The following ADGRB1 variants were observed in gnomAD, a reference collection of about 807,000 sequenced individuals.
ADGRB1 encodes the protein adhesion G protein-coupled receptor B1.
Under a neutral mutation model 175.7 loss-of-function variants are expected in ADGRB1, and 36 were observed. The observed-to-expected ratio is 0.20, with a 90% CI of 0.16 to 0.27. The LOEUF (loss-of-function observed/expected upper bound fraction) is 0.27. Ranked by LOEUF, ADGRB1 falls within the 10% of genes least tolerant of loss-of-function variation. The pLI is 1.00. For synonymous variants in ADGRB1, 1,054 were observed against 979.4 expected, an observed-to-expected ratio of 1.08 and a Z score of -1.42; for missense variants, 1,731 against 2,255.3, an observed-to-expected ratio of 0.77 and a Z score of 4.71.
chr8:142,476,835 C>T, intron 4 of ADGRB1, 140 bp downstream of exon 4: 1 of 1,008,538 alleles, frequency 9.9e-7, no homozygotes, highest in Non-Finnish European at 1.4e-6. Flanking sequence ...CTCTTGTCTC[C>T]TGACTGCCTG....
At chr8:142,524,383 A>G (rs1383086396) in intron 23 of ADGRB1, 79 bp downstream of exon 23, 2 of 1,419,730 alleles carry the variant, frequency 1.4e-6, no homozygotes, top group Admixed American at 4.0e-5. Context: ...GTGCTGTCTC[A>G]TGCCCCAGGC....
chr8:142,518,233 C>T lies in ADGRB1; in HGVS notation c.2913C>T (p.Ser971=), dbSNP rs75573695. 14,534 of 1,613,598 alleles carry T rather than the reference C, an allele frequency of 9.0e-3. 505 individuals carry two copies. In the African/African-American group the frequency reaches 0.095, roughly 11 times the overall value. The change falls in exon 19 of 31, where the codon TCC becomes TCT. Residue 971 remains serine (S), a synonymous_variant. Transcript: ENST00000517894. ...TCATGCTGGTCATCATCTACGTGTCCGTGTGGAGGTGGGTGCCGCCCAGGT... is the reference window on the plus strand; with the variant it reads ...TCATGCTGGTCATCATCTACGTGTCTGTGTGGAGGTGGGTGCCGCCCAGGT... ...TLLMLVIIYV[S]VWRYIRSERS...
chr8:142,533,533 C>T, intron 25 of ADGRB1, 67 bp downstream of exon 25: 2 of 1,492,620 alleles, frequency 1.3e-6, no homozygotes, highest in Admixed American at 2.0e-5. Flanking sequence ...TGGCCTCCTC[C>T]TTCCCCGAGG....
Position 142,518,174 on chromosome 8 carries a change from A to T in ADGRB1, c.2854A>T (p.Ile952Phe). The T allele has an allele frequency of 6.2e-7, 1 of 1,613,790 alleles. No individual in the cohort carries two copies. The highest frequency in any genetic ancestry group is 8.5e-7 in the Non-Finnish European group (1 of 1,179,796). Residue 952 changes from isoleucine (I) to phenylalanine (F), a missense_variant, in exon 19 of 31, where the codon ATC (isoleucine) becomes TTC (phenylalanine). Around this residue, in one of 8 missense-constraint regions of ADGRB1, gnomAD observed 301 missense variants for 488.4 expected, o/e 0.62. Transcript: ENST00000517894. The stretch of plus-strand genomic sequence containing the variant: ...GGCGACTCTGCCGTCGGTGACGCTC[A>T]TCGTGGGCTGTGGCGTGTCCTCTCT... ...EKATLPSVTLIVGCGVSSLTL... is the reference protein window; with the variant it reads ...EKATLPSVTLFVGCGVSSLTL...
At chr8:142,490,853 G>C in intron 17 of ADGRB1, 38 bp downstream of exon 17, 1 of 1,558,518 alleles carries the variant, frequency 6.4e-7, no homozygotes, top group Non-Finnish European at 8.7e-7. Context: ...GGGGGTCTGG[G>C]GTGGGGTTCG....
At chr8:142,481,112 T>C in intron 9 of ADGRB1, 142 bp from the exon 10 acceptor site, 1 of 708,410 alleles carries the variant, frequency 1.4e-6, no homozygotes, top group South Asian at 1.7e-5. Flanking sequence ...GCGTGGACTC[T>C]GCTCTCGGCG....
At chr8:142,523,766 C>T (rs1844007511) in intron 22 of ADGRB1, among the ~76,000 whole-genome samples, 1 of 92,198 alleles carries the variant, frequency 1.1e-5, no homozygotes, top group Non-Finnish European at 2.1e-5. Context: ...GAATGTGGGG[C>T]TGCTTACTGG....
chr8:142,476,805 C>G, intron 4 of ADGRB1, 110 bp downstream of exon 4: 1 of 1,157,594 alleles, frequency 8.6e-7, no homozygotes, highest in Non-Finnish European at 1.2e-6. Context: ...CATAACTAGA[C>G]TAAACCCTTA....
chr8:142,456,869 GCCT>G (rs1349507189), intron 1 of ADGRB1, among the ~76,000 whole-genome samples: 1 of 152,266 alleles, frequency 6.6e-6, no homozygotes, highest in Non-Finnish European at 1.5e-5. Context: ...GCTGAGTGCA[GCCT>G]CCTCCTCAGG....
At chr8:142,476,774 G>T in intron 4 of ADGRB1, 79 bp downstream of exon 4, 1 of 1,327,084 alleles carries the variant, frequency 7.5e-7, no homozygotes, top group Non-Finnish European at 1.0e-6. Context: ...CTAGTTATGG[G>T]TAGTAACTTG....
chr8:142,475,376 C>T (rs1056444675), intron 2 of ADGRB1, 98 bp from the exon 3 acceptor site: 43 of 1,191,720 alleles, frequency 3.6e-5, no homozygotes, highest in Non-Finnish European at 4.5e-5. Flanking sequence ...CCCTCCCCAC[C>T]CGGGCCGGCC....
chr8:142,506,061 G>A (rs1842836608), intron 17 of ADGRB1, among the ~76,000 whole-genome samples: 1 of 152,200 alleles, frequency 6.6e-6, no homozygotes, highest in Admixed American at 6.5e-5. Context: ...GCACCAGAAT[G>A]TGTCCCTGGG....
At chr8:142,540,678 G>A (rs1025821793) in intron 27 of ADGRB1, among the ~76,000 whole-genome samples, 2 of 152,206 alleles carry the variant, frequency 1.3e-5, no homozygotes, top group African/African-American at 2.4e-5. Flanking sequence ...AAAGTGTGAG[G>A]TGTGTGGGAG....
intron 17 of ADGRB1, among the ~76,000 whole-genome samples, chr8:142,500,423 C>A (rs1483387853): frequency 7.1e-6 from 1 of 141,722 alleles, no homozygotes; most frequent in African/African-American, 2.8e-5. Flanking sequence ...TCCTCCACCA[C>A]CCCCCCATGC....
chr8:142,541,821 A>T, intron 27 of ADGRB1, 120 bp from the exon 28 acceptor site: 1 of 1,081,256 alleles, frequency 9.2e-7, no homozygotes, highest in Non-Finnish European at 1.3e-6. Context: ...GGACCTGGCC[A>T]GGGTCTCCCA....
In ADGRB1 at chr8:142,455,198, C is replaced by T. The variant is rs1839598343; in HGVS notation, c.-220+5094C>T. The stretch of plus-strand genomic sequence containing the variant: ...CTGCACCATCATTCCTATCTGACCC[C>T]ACCTCCATCCCCAACACCAAAGCCA... On this transcript the variant is annotated intron_variant, in intron 1 of 30. Coordinates refer to ENST00000517894, the MANE Select transcript of ADGRB1 (RefSeq NM_001702.3). This position sits in a 1 kb window ranked among gnomAD's most constrained non-coding sequence, Gnocchi z 4.9. Among the ~76,000 whole-genome samples, 1 of 151,452 alleles carries T rather than the reference C, an allele frequency of 6.6e-6. No homozygotes were observed. Among genetic ancestry groups the T allele is most frequent in the African/African-American group, 2.4e-5 (1 of 41,116 alleles).
chr8:142,543,664 C>A lies in ADGRB1; in HGVS notation c.4513C>A (p.His1505Asn). The A allele has an allele frequency of 6.4e-7, 1 of 1,566,716 alleles. No individual in the cohort carries two copies. The highest frequency in any genetic ancestry group is 1.9e-5 in the Admixed American group (1 of 52,932). The stretch of plus-strand genomic sequence containing the variant: ...CCAGGACCTGAACCGGAAGCTGCAG[C>A]ACGCAGCGGAGAAGGACAAGGAGGT... ...MFQDLNRKLQ[H>N]AAEKDKEVLG... Residue 1505 changes from histidine to asparagine, a missense_variant, in exon 30 of 31, where the codon CAC (histidine) becomes AAC (asparagine). Physicochemically the swap from His to Asn is moderately conservative, Grantham distance 68. This residue lies in a region of ADGRB1 where 394 missense variants were observed against 410.2 expected (regional missense o/e 0.96). Transcript: ENST00000517894. The surrounding 1 kb of genome is among the most constrained non-coding windows in gnomAD (Gnocchi z 4.4).
intron 21 of ADGRB1, 21 bp from the exon 22 acceptor site, chr8:142,522,620 C>T (rs764595268): frequency 2.6e-6 from 4 of 1,543,968 alleles, no homozygotes; most frequent in African/African-American, 1.4e-5. Flanking sequence ...GGCCAACACC[C>T]TCTCTCTGCT....
rs76775687 is a variant in ADGRB1 at position 142,468,493 on chromosome 8, C to T, written c.784+3511C>T. Among the ~76,000 whole-genome samples the T allele has an allele frequency of 2.2e-3, 342 of 152,288 alleles. 5 individuals carry two copies. The highest frequency in any genetic ancestry group is 7.5e-3 in the African/African-American group (311 of 41,558). On this transcript the variant is annotated intron_variant, in intron 2 of 30. Coordinates refer to ENST00000517894, the MANE Select transcript of ADGRB1 (RefSeq NM_001702.3). ...GAGACAGTTCGGACCCTAGTGCCCACGCTCTGTGCCCAGAAGGCCCTGATG... is the reference window on the plus strand; with the variant it reads ...GAGACAGTTCGGACCCTAGTGCCCATGCTCTGTGCCCAGAAGGCCCTGATG...
Sources: allele counts gnomAD v4.1 joint callset (sites outside exome capture counted in the v4.1 genomes callset), GRCh38; gene constraint gnomAD v4.1.1; regional missense constraint gnomAD v4.1.1; non-coding constraint Gnocchi (gnomAD v3.1); transcripts MANE v1.5; gene names NCBI Gene and HGNC (gene_info 2026-07-23, HGNC 2026-07-21).